The following RNF157 variants were observed in gnomAD, a reference collection of about 807,000 sequenced individuals.
RNF157 encodes the protein E3 ubiquitin ligase RNF157.
Under a neutral mutation model 88.3 loss-of-function variants are expected in RNF157, and 55 were observed. The ratio of observed to expected loss-of-function variants is 0.62; its 90% CI spans 0.50 to 0.78. The LOEUF (loss-of-function observed/expected upper bound fraction) is 0.78. RNF157 is among the 30% of genes least tolerant of loss of function. RNF157 has a pLI of 0.00. For missense variants in RNF157, 788 were observed against 860.8 expected, an observed-to-expected ratio of 0.92 and a Z score of 1.06; for synonymous variants, 334 against 341.2, an observed-to-expected ratio of 0.98 and a Z score of 0.23.
At chr17:76,213,869 CAG>C (rs565950698) in intron 1 of RNF157, among the ~76,000 whole-genome samples, 150 of 152,300 alleles carry the variant, frequency 9.8e-4, no homozygotes, top group African/African-American at 3.4e-3. Flanking sequence ...AGCTTCCAAA[CAG>C]GGGAACACTT....
At chr17:76,190,382 G>T (rs1190063903) in intron 2 of RNF157, among the ~76,000 whole-genome samples, 1 of 151,930 alleles carries the variant, frequency 6.6e-6, no homozygotes, top group Non-Finnish European at 1.5e-5. Context: ...GGCCAGGCTG[G>T]CCTCAAACCC....
intron 12 of RNF157, 22 bp downstream of exon 12, chr17:76,159,313 G>C: frequency 6.3e-7 from 1 of 1,588,712 alleles, no homozygotes; most frequent in Non-Finnish European, 8.6e-7. Context: ...GGGGGCAACA[G>C]TGTGGAGCAC....
intron 17 of RNF157, among the ~76,000 whole-genome samples, chr17:76,152,845 A>G (rs1163689909): frequency 6.6e-6 from 1 of 152,230 alleles, no homozygotes; most frequent in Admixed American, 6.5e-5. Flanking sequence ...CATCCTGCTC[A>G]TGCCTGCATC....
At chr17:76,229,223 T>C (rs1360673865) in intron 1 of RNF157, among the ~76,000 whole-genome samples, 4 of 152,332 alleles carry the variant, frequency 2.6e-5, no homozygotes, top group African/African-American at 9.6e-5. Context: ...GATGGACATA[T>C]CTTAAGGGTT....
chr17:76,201,513 A>G (rs2069578087), intron 2 of RNF157, among the ~76,000 whole-genome samples: 1 of 152,096 alleles, frequency 6.6e-6, no homozygotes, highest in South Asian at 2.1e-4. Context: ...TTATTTCTAA[A>G]AAAAAAATAA....
chr17:76,168,967 C>T (rs998027471), intron 3 of RNF157, among the ~76,000 whole-genome samples: 1 of 152,222 alleles, frequency 6.6e-6, no homozygotes, highest in Non-Finnish European at 1.5e-5. Context: ...GTTGATCCTT[C>T]TTCTTCTGAA....
chr17:76,162,495 C>T (rs376603824), intron 9 of RNF157, 57 bp downstream of exon 9: 393 of 1,350,166 alleles, frequency 2.9e-4, no homozygotes, highest in Non-Finnish European at 3.9e-4. Context: ...CGCTGGCTTA[C>T]GATTTCTCAC....
intron 3 of RNF157, among the ~76,000 whole-genome samples, chr17:76,171,207 T>C (rs920790801): frequency 3.8e-5 from 5 of 132,218 alleles, no homozygotes; most frequent in African/African-American, 1.4e-4. Context: ...TTTTATTTTT[T>C]AGTTGGAGTC....
intron 1 of RNF157, among the ~76,000 whole-genome samples, chr17:76,222,042 T>C (rs1568073689): frequency 6.6e-6 from 1 of 152,172 alleles, no homozygotes; most frequent in Non-Finnish European, 1.5e-5. Flanking sequence ...AACTGCTTAA[T>C]TGGTTTTATT....
At chr17:76,168,904 CTTAT>C (rs1471464300) in intron 3 of RNF157, among the ~76,000 whole-genome samples, 1 of 152,212 alleles carries the variant, frequency 6.6e-6, no homozygotes, top group Non-Finnish European at 1.5e-5. Context: ...TTTTCACTGC[CTTAT>C]TTTTCACCTC....
Position 76,145,140 on chromosome 17 carries a change from TC to T in RNF157, c.*94del. ...AGCTGTCACAGGAGGGTAAAAAGTCTCCAGCATCTTGCTGAGGATGCCCAGT... is the reference window on the plus strand; with the variant it reads ...AGCTGTCACAGGAGGGTAAAAAGTCTCAGCATCTTGCTGAGGATGCCCAGT... On this transcript the variant is annotated 3_prime_UTR_variant, in exon 19 of 19. Coordinates refer to ENST00000269391, the MANE Select transcript of RNF157 (RefSeq NM_052916.3). 1.3e-6 allele frequency: 1 copy of T among 765,236 alleles called. No individual in the cohort carries two copies. 47.4% of individuals were successfully genotyped at this position (765,236 alleles called of 1,614,324 possible).
intron 1 of RNF157, among the ~76,000 whole-genome samples, chr17:76,233,108 G>T (rs1034926865): frequency 2.0e-5 from 3 of 152,080 alleles, no homozygotes; most frequent in Non-Finnish European, 2.9e-5. Context: ...TTTTAGCAGA[G>T]ACAGGGTTTC....
intron 1 of RNF157, among the ~76,000 whole-genome samples, chr17:76,227,592 T>C (rs2070114720): frequency 1.3e-5 from 2 of 151,690 alleles, no homozygotes; most frequent in African/African-American, 4.8e-5. Flanking sequence ...TAGTAAGAGG[T>C]AGTGGCCCGG....
At chr17:76,193,150 A>C (rs919925665) in intron 2 of RNF157, among the ~76,000 whole-genome samples, 2 of 152,192 alleles carry the variant, frequency 1.3e-5, no homozygotes, top group African/African-American at 4.8e-5. Flanking sequence ...ACTTTGGGCA[A>C]ATAACTTAAC....
intron 2 of RNF157, among the ~76,000 whole-genome samples, chr17:76,185,598 T>C (rs1403870917): frequency 6.6e-6 from 1 of 151,492 alleles, no homozygotes; most frequent in South Asian, 2.1e-4. Context: ...GCCTCCCGAG[T>C]AGCTGGGACT....
At chr17:76,186,491 G>T (rs2069290031) in intron 2 of RNF157, among the ~76,000 whole-genome samples, 1 of 151,332 alleles carries the variant, frequency 6.6e-6, no homozygotes, top group African/African-American at 2.4e-5. Context: ...TGAGCAACAA[G>T]AGTGAGACTC....
intron 1 of RNF157, among the ~76,000 whole-genome samples, chr17:76,224,730 A>C: frequency 6.7e-6 from 1 of 149,200 alleles, no homozygotes; most frequent in East Asian, 1.9e-4. Flanking sequence ...AAAAAAAAAA[A>C]AGAAAGAAAC....
rs923278866 is a variant in RNF157, at chr17:76,195,101, T to C, written c.207+17263A>G. On this transcript the variant is annotated intron_variant, in intron 2 of 18. Coordinates refer to ENST00000269391, the MANE Select transcript of RNF157 (RefSeq NM_052916.3). The surrounding 1 kb of genome is among the most constrained non-coding windows in gnomAD (Gnocchi z 4.4). Reference sequence around the variant, plus strand: ...GGAAGCTGAAACACACACTGACAAGTGGAAAGCGATTCAGGAGAACAGAAA... The same window carrying C: ...GGAAGCTGAAACACACACTGACAAGCGGAAAGCGATTCAGGAGAACAGAAA... Among the ~76,000 whole-genome samples the C allele has an allele frequency of 3.9e-5, 6 of 152,042 alleles. No individual in the cohort carries two copies. The highest frequency in any genetic ancestry group is 2.1e-4 in the South Asian group (1 of 4,828).
chr17:76,234,746 T>C (rs1213555560), intron 1 of RNF157, among the ~76,000 whole-genome samples: 3 of 152,238 alleles, frequency 2.0e-5, no homozygotes, highest in Non-Finnish European at 4.4e-5. Flanking sequence ...GTTCCTTATA[T>C]ATTCTAGATA....
Sources: gnomAD v4.1 joint callset for allele counts (sites outside exome capture counted in the v4.1 genomes callset) on GRCh38, gnomAD v4.1.1 for gene constraint, Gnocchi (gnomAD v3.1) non-coding constraint, MANE v1.5 for transcripts, NCBI Gene and HGNC (gene_info 2026-07-23, HGNC 2026-07-21) for gene names.